ADGRL2: variants seen among roughly 807,000 people sequenced by gnomAD.
The protein encoded by ADGRL2 is adhesion G protein-coupled receptor L2.
In ADGRL2, 44 loss-of-function variants were observed where a neutral mutation model predicts 157.4. The ratio of observed to expected loss-of-function variants is 0.28; its 90% CI spans 0.22 to 0.36. The LOEUF (loss-of-function observed/expected upper bound fraction) is 0.36, where lower values mean the gene tolerates loss of function less well. Ranked by LOEUF, ADGRL2 falls within the 10% of genes least tolerant of loss-of-function variation. The pLI, the probability that ADGRL2 is intolerant of heterozygous loss-of-function variation, is 1.00. For synonymous variants in ADGRL2, 585 were observed against 624.7 expected, an observed-to-expected ratio of 0.94 and a Z score of 0.95; for missense variants, 1,510 against 1,768.9, an observed-to-expected ratio of 0.85 and a Z score of 2.63.
At chr1:81,968,351 T>C (rs1470159190) in intron 14 of ADGRL2, 152 bp downstream of exon 14, 1 of 669,404 alleles carries the variant, frequency 1.5e-6, no homozygotes, top group Non-Finnish European at 2.5e-6. Flanking sequence ...TCCATAAATT[T>C]TAAGAAGTCT....
rs1358226427 is a variant in ADGRL2 at position 81,992,650 on chromosome 1, T to G, written c.*1505T>G. Among the ~76,000 whole-genome samples, 2 of 152,174 alleles carry G rather than the reference T, an allele frequency of 1.3e-5. No individual in the cohort carries two copies. The highest frequency in any genetic ancestry group is 2.9e-5 in the Non-Finnish European group (2 of 68,020). On this transcript the variant is annotated 3_prime_UTR_variant, in exon 24 of 24. Coordinates refer to ENST00000686636, the MANE Select transcript of ADGRL2 (RefSeq NM_001366006.2). ...TTAAGAGGGATATATTCTGAAAGCA[T>G]TTTTGTTTGTTGCATTGTACCAGGA...
At chr1:81,703,219 A>G (rs899790482) in intron 1 of ADGRL2, among the ~76,000 whole-genome samples, 3 of 152,218 alleles carry the variant, frequency 2.0e-5, no homozygotes, top group Non-Finnish European at 2.9e-5. Context: ...GAAGATAGCA[A>G]ATGTGAGGAA....
At chr1:81,944,838 A>C (rs560196121) in intron 6 of ADGRL2, among the ~76,000 whole-genome samples, 6 of 152,176 alleles carry the variant, frequency 3.9e-5, no homozygotes, top group Non-Finnish European at 4.4e-5. Flanking sequence ...ATACCCATAC[A>C]TATTTTAAGA....
intron 2 of ADGRL2, among the ~76,000 whole-genome samples, chr1:81,853,931 C>A (rs2093110425): frequency 6.6e-6 from 1 of 151,998 alleles, no homozygotes; most frequent in Non-Finnish European, 1.5e-5. Flanking sequence ...ATAACTGTTA[C>A]CTTTCTTGAA....
intron 1 of ADGRL2, among the ~76,000 whole-genome samples, chr1:81,347,370 CAGCCTGGATGACAGAG>C (rs1397823752): frequency 6.6e-6 from 1 of 151,772 alleles, no homozygotes; most frequent in Non-Finnish European, 1.5e-5. Context: ...CATTGCACTC[CAGCCTGGATGACAGAG>C]AGAGACTGTT....
At chr1:81,504,179 G>T (rs141057780) in intron 2 of ADGRL2, among the ~76,000 whole-genome samples, 1,975 of 152,254 alleles carry the variant, frequency 0.013, 31 homozygotes, top group East Asian at 0.032. Context: ...TGCTTCACAC[G>T]GACCATTCTC....
At chr1:81,353,258 C>T (rs905853348) in intron 1 of ADGRL2, among the ~76,000 whole-genome samples, 2 of 152,148 alleles carry the variant, frequency 1.3e-5, no homozygotes, top group Non-Finnish European at 2.9e-5. Flanking sequence ...CGGATCCTTG[C>T]TTGACAGATA....
chr1:81,422,104 A>C (rs1016111289), intron 1 of ADGRL2, among the ~76,000 whole-genome samples: 4 of 152,188 alleles, frequency 2.6e-5, no homozygotes, highest in African/African-American at 9.6e-5. Flanking sequence ...TTTCAGGAAA[A>C]ACTGGTTTAC....
chr1:81,641,331 A>G (rs2082215145), intron 3 of ADGRL2, among the ~76,000 whole-genome samples: 1 of 152,186 alleles, frequency 6.6e-6, no homozygotes, highest in South Asian at 2.1e-4. Context: ...AATATAATCA[A>G]CATCCATAAG....
intron 1 of ADGRL2, among the ~76,000 whole-genome samples, chr1:81,702,189 AG>A (rs1449880852): frequency 2.0e-5 from 3 of 152,228 alleles, no homozygotes; most frequent in Admixed American, 1.3e-4. Context: ...TCATTTCTCA[AG>A]GAAAAAGGGT....
In ADGRL2 at chr1:81,955,912, C is replaced by T. The variant is rs11163397; in HGVS notation, c.1869C>T (p.Pro623=). 1,599,953 of 1,601,728 alleles carry T rather than the reference C, an allele frequency of 1. 799,106 individuals carry two copies. Among genetic ancestry groups the T allele is most frequent in the East Asian group, 1 (43,988 of 43,988 alleles). The change falls in exon 11 of 24, where the codon CCC becomes CCT. Residue 623 remains proline (P), a synonymous_variant. Coordinates refer to ENST00000686636, the MANE Select transcript of ADGRL2 (RefSeq NM_001366006.2). Reference sequence around the variant, plus strand: ...ACACAGTGGACAACCTTCTGAGACCCGAAGCTTTGGAATCATGGAAACATA... The same window carrying T: ...ACACAGTGGACAACCTTCTGAGACCTGAAGCTTTGGAATCATGGAAACATA... ...IVDTVDNLLR[P]EALESWKHMN... is the part of the protein sequence containing the mutation.
chr1:81,755,504 G>C (rs2085657278), intron 1 of ADGRL2, among the ~76,000 whole-genome samples: 1 of 152,068 alleles, frequency 6.6e-6, no homozygotes, highest in Admixed American at 6.6e-5. Context: ...AAGAGGGAAA[G>C]AGCATTCATG....
intron 3 of ADGRL2, among the ~76,000 whole-genome samples, chr1:81,936,300 G>A (rs2095309581): frequency 1.3e-5 from 2 of 151,756 alleles, no homozygotes; most frequent in Admixed American, 6.6e-5. Flanking sequence ...TTCAGGTTTT[G>A]ACTCTTACGT....
At chr1:81,453,441 A>G (rs981748652) in intron 2 of ADGRL2, among the ~76,000 whole-genome samples, 1 of 152,164 alleles carries the variant, frequency 6.6e-6, no homozygotes, top group African/African-American at 2.4e-5. Flanking sequence ...TGCAGTGATT[A>G]TGAGCCTGAC....
At chr1:81,855,108 A>G (rs1167507531) in intron 2 of ADGRL2, among the ~76,000 whole-genome samples, 1 of 152,164 alleles carries the variant, frequency 6.6e-6, no homozygotes, top group Non-Finnish European at 1.5e-5. Flanking sequence ...ACAGGATATA[A>G]AGAAATGATA....
At chr1:81,954,411 T>C (rs1171028757) in intron 10 of ADGRL2, among the ~76,000 whole-genome samples, 2 of 152,192 alleles carry the variant, frequency 1.3e-5, no homozygotes, top group Non-Finnish European at 2.9e-5. Context: ...TCATTTTCAG[T>C]ATGTCTCAAA....
chr1:81,456,880 C>A (rs1393035684), intron 2 of ADGRL2, among the ~76,000 whole-genome samples: 1 of 152,092 alleles, frequency 6.6e-6, no homozygotes, highest in African/African-American at 2.4e-5. Flanking sequence ...CTCTTCCTCT[C>A]TTTTTCTTTT....
chr1:81,894,878 G>A (rs2094347765), intron 2 of ADGRL2, among the ~76,000 whole-genome samples: 1 of 152,012 alleles, frequency 6.6e-6, no homozygotes, highest in Non-Finnish European at 1.5e-5. Context: ...TTTAAAGCAT[G>A]CAGGAGGAAA....
rs139950527 is a variant in ADGRL2 at position 81,714,727 on chromosome 1, G to A, written c.-143+14919G>A. On this transcript the variant is annotated intron_variant, in intron 1 of 20. Transcript: ENST00000359929. ...TCAAGGGGAGAGAATTTTGAGAAGT[G>A]TGCTACATACTTGAATAGCTCCTAT... Among the ~76,000 whole-genome samples, 779 of 152,238 alleles carry A rather than the reference G, an allele frequency of 5.1e-3. 8 individuals are homozygous for A. The highest frequency in any genetic ancestry group is 0.018 in the African/African-American group (752 of 41,548).
Sources: allele counts gnomAD v4.1 joint callset (sites outside exome capture counted in the v4.1 genomes callset), GRCh38; gene constraint gnomAD v4.1.1; transcripts MANE v1.5; gene names NCBI Gene and HGNC (gene_info 2026-07-23, HGNC 2026-07-21).